The following HIBCH variants were observed in gnomAD, a reference collection of about 807,000 sequenced individuals.
The protein encoded by HIBCH is 3-hydroxyisobutyryl-CoA hydrolase, mitochondrial.
HIBCH carries 50 observed loss-of-function variants against 58.2 expected under a neutral mutation model. That is an observed-to-expected ratio of 0.86 (90% CI 0.68 to 1.09). HIBCH has a LOEUF of 1.09. HIBCH is among the 50% of genes least tolerant of loss of function. HIBCH has a pLI of 0.00. For synonymous variants in HIBCH, 151 were observed against 146.9 expected, an observed-to-expected ratio of 1.03 and a Z score of -0.20; for missense variants, 450 against 449.7, an observed-to-expected ratio of 1.00 and a Z score of -0.01.
In HIBCH at chr2:190,290,951, C is replaced by CA. The variant is rs539566134; in HGVS notation, c.305-467dup. Among the ~76,000 whole-genome samples, 28 of 152,200 alleles carry CA rather than the reference C, an allele frequency of 1.8e-4. No homozygotes were observed. The East Asian group carries it at 5.2e-3, about 28-fold the overall frequency. On this transcript the variant is annotated intron_variant, in intron 4 of 13. Coordinates refer to ENST00000359678, the MANE Select transcript of HIBCH (RefSeq NM_014362.4). ...ATTTGAGCCCAGGATATTGAGGCTACAGTGAGCCATCATCACACCACTGTA... is the reference window on the plus strand; with the variant it reads ...ATTTGAGCCCAGGATATTGAGGCTACAAGTGAGCCATCATCACACCACTGTA...
intron 6 of HIBCH, among the ~76,000 whole-genome samples, chr2:190,270,811 T>G (rs79136092): frequency 1.1e-3 from 175 of 152,300 alleles, no homozygotes; most frequent in Non-Finnish European, 2.1e-3. Context: ...ATTTTTACTA[T>G]GTTTCTCATA....
rs111963020 is a variant in HIBCH at position 190,215,593 on chromosome 2, T to G, written c.892-2518A>C. On this transcript the variant is annotated intron_variant, in intron 11 of 13. Coordinates refer to ENST00000359678, the MANE Select transcript of HIBCH (RefSeq NM_014362.4). The surrounding 1 kb of genome is among the most constrained non-coding windows in gnomAD (Gnocchi z 4.4). ...TGACTAAAAGCTGGCCTGATATTACTAAGAAACTGCAAAAGGTTAATGGAT... is the reference window on the plus strand; with the variant it reads ...TGACTAAAAGCTGGCCTGATATTACGAAGAAACTGCAAAAGGTTAATGGAT... The G allele has an allele frequency of 6.6e-6, 1 of 152,130 alleles. No homozygotes were observed. Among genetic ancestry groups the G allele is most frequent in the Non-Finnish European group, 1.5e-5 (1 of 68,046 alleles). The allele number at this position is 152,130 out of a possible 1,614,324, so 9.4% of individuals were successfully genotyped here. A position where few individuals can be genotyped will look rare whatever the true frequency, so the allele number is the denominator to read the frequency against.
rs1688803351 is a variant in HIBCH, at chr2:190,319,812, G to A, written c.-62C>T. 1.3e-6 allele frequency: 2 copies of A among 1,578,750 alleles called. No homozygotes were observed. The highest frequency in any genetic ancestry group is 1.7e-6 in the Non-Finnish European group (2 of 1,160,778). The stretch of plus-strand genomic sequence containing the variant: ...ATCTCCCGGACCGTTCCAGCGCCTC[G>A]CGTGAGCCCCGCCCACCGCCGTCCT... On this transcript the variant is annotated 5_prime_UTR_variant, in exon 1 of 14. Transcript: ENST00000359678.
At chr2:190,202,332 T>C (rs1364181148), downstream of HIBCH, 2 of 167,060 alleles carry the variant, frequency 1.2e-5, no homozygotes, top group Non-Finnish European at 2.9e-5. Flanking sequence ...ATATGCTGTA[T>C]TGTATGTTAA....
rs924566317 is a variant in HIBCH, at chr2:190,304,620, T to C, written c.78+6134A>G. Among the ~76,000 whole-genome samples the C allele has an allele frequency of 6.6e-5, 10 of 152,216 alleles. No individual in the cohort carries two copies. The highest frequency in any genetic ancestry group is 2.2e-4 in the African/African-American group (9 of 41,562). Reference sequence around the variant, plus strand: ...AAATATTCAAACCACGAAACCAATATTCTCAGTTTTGATAAGTGTACCATA... The same window carrying C: ...AAATATTCAAACCACGAAACCAATACTCTCAGTTTTGATAAGTGTACCATA... On this transcript the variant is annotated intron_variant, in intron 2 of 13. Coordinates refer to ENST00000359678, the MANE Select transcript of HIBCH (RefSeq NM_014362.4). This position sits in a 1 kb window ranked among gnomAD's most constrained non-coding sequence, Gnocchi z 4.1.
chr2:190,256,062 C>A (rs899773399), intron 7 of HIBCH, among the ~76,000 whole-genome samples: 2 of 151,896 alleles, frequency 1.3e-5, no homozygotes, highest in African/African-American at 4.8e-5. Flanking sequence ...GGGGAAGAGC[C>A]CCTTATAAAA....
intron 7 of HIBCH, among the ~76,000 whole-genome samples, chr2:190,257,850 C>T (rs1344497071): frequency 6.6e-6 from 1 of 152,074 alleles, no homozygotes; most frequent in African/African-American, 2.4e-5. Flanking sequence ...TGGAAGAGCC[C>T]CCATGAACCA....
At chr2:190,249,818 T>G (rs1686711545) in intron 8 of HIBCH, 92 bp from the exon 9 acceptor site, 4 of 850,746 alleles carry the variant, frequency 4.7e-6, no homozygotes, top group Non-Finnish European at 5.8e-6. Context: ...TTAGAATTCT[T>G]GACTTTAAAT....
intron 2 of HIBCH, among the ~76,000 whole-genome samples, chr2:190,300,984 G>C (rs28625711): frequency 6.6e-6 from 1 of 152,158 alleles, no homozygotes; most frequent in Non-Finnish European, 1.5e-5. Flanking sequence ...CTGTAAGTTA[G>C]TCAAAAGAGA....
intron 11 of HIBCH, among the ~76,000 whole-genome samples, chr2:190,240,829 C>T (rs2105929333): frequency 6.6e-6 from 1 of 152,322 alleles, no homozygotes; most frequent in East Asian, 1.9e-4. Context: ...TTTGATTGCA[C>T]TGCGGTCTGA....
At chr2:190,262,589 T>C (rs1687119027) in intron 6 of HIBCH, among the ~76,000 whole-genome samples, 1 of 152,196 alleles carries the variant, frequency 6.6e-6, no homozygotes, top group Non-Finnish European at 1.5e-5. Context: ...GTCATTCCCA[T>C]CACATCTTCT....
At chr2:190,266,364 A>G (rs191525042) in intron 6 of HIBCH, among the ~76,000 whole-genome samples, 505 of 152,282 alleles carry the variant, frequency 3.3e-3, no homozygotes, top group African/African-American at 0.011. Flanking sequence ...ATATGTTCGA[A>G]TATTTCTTAT....
At chr2:190,310,494 G>A (rs112991967) in intron 2 of HIBCH, among the ~76,000 whole-genome samples, 419 of 152,258 alleles carry the variant, frequency 2.8e-3, no homozygotes, top group African/African-American at 9.7e-3. Context: ...AGCTGTAAGA[G>A]ACCAAGTAAT....
At chr2:190,199,437 ATAAATC>A (rs149837078), downstream of HIBCH, among the ~76,000 whole-genome samples, 1,028 of 152,244 alleles carry the variant, frequency 6.8e-3, 13 homozygotes, top group African/African-American at 0.024. Flanking sequence ...TTTGGTATAG[ATAAATC>A]TAAGCTAGCA....
chr2:190,242,444 G>C (rs182674909), intron 11 of HIBCH, among the ~76,000 whole-genome samples: 430 of 152,096 alleles, frequency 2.8e-3, no homozygotes, highest in African/African-American at 1.0e-2. Context: ...ACTCATTTCC[G>C]TCCAGTTTTG....
chr2:190,312,324 C>T (rs1688581965), intron 1 of HIBCH, among the ~76,000 whole-genome samples: 1 of 152,202 alleles, frequency 6.6e-6, no homozygotes, highest in African/African-American at 2.4e-5. Flanking sequence ...AATAAAAACA[C>T]TATAGTTAGA....
rs1072383 is a variant in HIBCH at position 190,275,844 on chromosome 2, C to G, written c.438+11742G>C. On this transcript the variant is annotated intron_variant, in intron 6 of 13. Transcript: ENST00000359678. ...ATGAACAATAGCCAATGCCACAATT[C>G]TTTTATAATTGGTTCAGTTTACACA... Among the ~76,000 whole-genome samples the G allele has an allele frequency of 6.8e-3, 1,030 of 152,258 alleles. 13 individuals are homozygous for G. Among genetic ancestry groups the G allele is most frequent in the African/African-American group, 0.023 (936 of 41,554 alleles).
rs1378341502 is a variant in HIBCH, at chr2:190,316,896, C to A, written c.35+2820G>T. Among the ~76,000 whole-genome samples the A allele has an allele frequency of 2.6e-5, 4 of 152,282 alleles. No homozygotes were observed. The South Asian group carries it at 6.2e-4, about 24-fold the overall frequency. ...TGGAAAAGGCAATGAGGCCTATTAA[C>A]AACCTAAAAGTACCCTCTTCCTGTT... On this transcript the variant is annotated intron_variant, in intron 1 of 13. Transcript: ENST00000359678.
chr2:190,222,744 C>G (rs1206484401), intron 11 of HIBCH, among the ~76,000 whole-genome samples: 1 of 152,126 alleles, frequency 6.6e-6, no homozygotes, highest in Non-Finnish European at 1.5e-5. Context: ...CTAGAAATAC[C>G]ATTTGACCCA....
Sources: allele counts gnomAD v4.1 joint callset (sites outside exome capture counted in the v4.1 genomes callset), GRCh38; gene constraint gnomAD v4.1.1; non-coding constraint Gnocchi (gnomAD v3.1); transcripts MANE v1.5; gene names NCBI Gene and HGNC (gene_info 2026-07-23, HGNC 2026-07-21).